PPP2R2C: variants seen among roughly 807,000 people sequenced by gnomAD.
The protein encoded by PPP2R2C is protein phosphatase 2 regulatory subunit Bgamma, also known as protein phosphatase 2, regulatory subunit B, gamma.
A neutral mutation model predicts 45.3 loss-of-function variants in PPP2R2C; 10 were observed. The ratio of observed to expected loss-of-function variants is 0.22; its 90% CI spans 0.14 to 0.37. PPP2R2C has a LOEUF of 0.37. Among genes scored for constraint, PPP2R2C ranks in the 10% least tolerant of loss-of-function variants. PPP2R2C has a pLI of 1.00. For synonymous variants in PPP2R2C, 257 were observed against 245.4 expected (o/e 1.05, Z -0.44); for missense variants, 308 against 619.7 (o/e 0.50, Z 5.34).
At chr4:6,349,304 C>A in intron 5 of PPP2R2C, 1 of 985,056 alleles carries the variant, frequency 1.0e-6, no homozygotes, top group Non-Finnish European at 1.2e-6. Context: ...AGCTCTGTCA[C>A]CTCCTGGCTG....
chr4:6,517,155 C>T (rs1723851417), intron 2 of PPP2R2C, among the ~76,000 whole-genome samples: 1 of 152,178 alleles, frequency 6.6e-6, no homozygotes, highest in Admixed American at 6.5e-5. Context: ...CACCAGATTG[C>T]TCGCCTGGCA....
At chr4:6,503,681 T>A (rs796510428) in intron 2 of PPP2R2C, among the ~76,000 whole-genome samples, 22 of 152,226 alleles carry the variant, frequency 1.4e-4, no homozygotes, top group African/African-American at 4.1e-4. Context: ...GCATAATGTT[T>A]ATGGCAACTT....
chr4:6,421,835 A>G (rs931425795), intron 1 of PPP2R2C, among the ~76,000 whole-genome samples: 1 of 152,208 alleles, frequency 6.6e-6, no homozygotes, highest in Non-Finnish European at 1.5e-5. Context: ...TAAGATGTAA[A>G]AAGGGCTTTG....
upstream of PPP2R2C, among the ~76,000 whole-genome samples, chr4:6,477,464 C>A (rs186592697): frequency 5.9e-5 from 9 of 152,174 alleles, no homozygotes; most frequent in African/African-American, 1.9e-4. Flanking sequence ...CGGTGCCTCA[C>A]GCCTGTAATC....
chr4:6,378,309 A>T lies in PPP2R2C; in HGVS notation c.334+98T>A. 1 of 1,577,214 alleles carries T rather than the reference A, an allele frequency of 6.3e-7. No homozygotes were observed. The highest frequency in any genetic ancestry group is 1.2e-5 in the South Asian group (1 of 86,368). On this transcript the variant is annotated intron_variant, in intron 3 of 8. Coordinates refer to ENST00000382599, the MANE Select transcript of PPP2R2C (RefSeq NM_020416.4). This position sits in a 1 kb window ranked among gnomAD's most constrained non-coding sequence, Gnocchi z 5.2. ...ATTATTTTCTAGGCGTTCTGAAGAC[A>T]TAGAAAAATGCTCACAATATAAGTG...
At chr4:6,340,000 A>C (rs535640692) in intron 6 of PPP2R2C, among the ~76,000 whole-genome samples, 24 of 152,128 alleles carry the variant, frequency 1.6e-4, no homozygotes, top group Admixed American at 1.5e-3. Flanking sequence ...CTGTTTGGGG[A>C]GGGGCCTCCT....
chr4:6,425,197 GT>G (rs1719215963), intron 1 of PPP2R2C, among the ~76,000 whole-genome samples: 1 of 152,110 alleles, frequency 6.6e-6, no homozygotes, highest in Admixed American at 6.5e-5. Flanking sequence ...ACAGCTCCCT[GT>G]CCCCCCACCC....
At chr4:6,388,236 C>T (rs921051700) in intron 1 of PPP2R2C, among the ~76,000 whole-genome samples, 1 of 152,190 alleles carries the variant, frequency 6.6e-6, no homozygotes, top group African/African-American at 2.4e-5. Context: ...CTCAGCCAGC[C>T]CCCTGGTGCT....
chr4:6,484,916 T>TC (rs1314278550), intron 2 of PPP2R2C, among the ~76,000 whole-genome samples: 3 of 151,886 alleles, frequency 2.0e-5, no homozygotes, highest in Admixed American at 2.0e-4. Context: ...CATCTTTTTT[T>TC]CTCTTTCTTG....
chr4:6,431,596 T>A (rs1200362730), intron 1 of PPP2R2C, among the ~76,000 whole-genome samples: 1 of 152,202 alleles, frequency 6.6e-6, no homozygotes, highest in Non-Finnish European at 1.5e-5. Flanking sequence ...GAGCCCCCCC[T>A]TCCCTGGCTC....
At position 6,394,961 on chromosome 4, in the gene PPP2R2C, T is replaced by C. The variant is rs1313974483; in HGVS notation, c.71-13867A>G. On this transcript the variant is annotated intron_variant, in intron 1 of 8. Transcript: ENST00000382599. The stretch of plus-strand genomic sequence containing the variant: ...GGCCATAATTCCCTGAGCTGGGTGC[T>C]GGGGTCACAGTTGGCAGAGCCAGCA... Among the ~76,000 whole-genome samples the C allele has an allele frequency of 4.6e-5, 7 of 152,152 alleles. No individual in the cohort carries two copies. In the East Asian group the frequency reaches 1.4e-3, roughly 29 times the overall value.
At chr4:6,394,704 A>G (rs1716899392) in intron 1 of PPP2R2C, among the ~76,000 whole-genome samples, 1 of 152,210 alleles carries the variant, frequency 6.6e-6, no homozygotes, top group South Asian at 2.1e-4. Context: ...GCCGGGCCAG[A>G]TGGCCTGGCT....
chr4:6,415,800 A>G (rs1181385106), intron 1 of PPP2R2C, among the ~76,000 whole-genome samples: 1 of 152,192 alleles, frequency 6.6e-6, no homozygotes, highest in Non-Finnish European at 1.5e-5. Context: ...CAGACCTCCA[A>G]GTAGTCCTCC....
In PPP2R2C at chr4:6,419,383, G is replaced by A. The variant is rs182282452; in HGVS notation, c.71-38289C>T. On this transcript the variant is annotated intron_variant, in intron 1 of 8. Coordinates refer to ENST00000382599, the MANE Select transcript of PPP2R2C (RefSeq NM_020416.4). ...AGTGGTTGCAGTGAGCTGAGATGGT[G>A]CCACTGCCACTGCACTCCTAGGCGA... Among the ~76,000 whole-genome samples, 487 of 152,116 alleles carry A rather than the reference G, an allele frequency of 3.2e-3. 4 individuals carry two copies. The highest frequency in any genetic ancestry group is 0.023 in the East Asian group (117 of 5,168).
chr4:6,327,404 G>A (rs1213627639), intron 8 of PPP2R2C, among the ~76,000 whole-genome samples: 2 of 152,202 alleles, frequency 1.3e-5, no homozygotes, highest in Non-Finnish European at 2.9e-5. Context: ...GCCTGGGGAT[G>A]CTTGGCGGCT....
At chr4:6,550,088 C>T (rs1390200401) in intron 1 of PPP2R2C, among the ~76,000 whole-genome samples, 1 of 152,162 alleles carries the variant, frequency 6.6e-6, no homozygotes, top group Non-Finnish European at 1.5e-5. Context: ...ATGGCTCATC[C>T]CACGGGCCTG....
intron 2 of PPP2R2C, among the ~76,000 whole-genome samples, chr4:6,521,132 G>A (rs1444349525): frequency 3.9e-5 from 6 of 152,202 alleles, no homozygotes; most frequent in Admixed American, 1.3e-4. Flanking sequence ...TGGCCACAGC[G>A]TCTGTCTGAC....
chr4:6,559,898 C>G (rs576302408), intron 1 of PPP2R2C, among the ~76,000 whole-genome samples: 1 of 152,366 alleles, frequency 6.6e-6, no homozygotes, highest in East Asian at 1.9e-4. Flanking sequence ...GCAGCCCCAA[C>G]GGACTAAGAC....
Position 6,324,205 on chromosome 4 carries a change from G to T in PPP2R2C, c.1053-612C>A, listed in dbSNP as rs1731758280. On this transcript the variant is annotated intron_variant, in intron 8 of 8. Coordinates refer to ENST00000382599, the MANE Select transcript of PPP2R2C (RefSeq NM_020416.4). This position sits in a 1 kb window ranked among gnomAD's most constrained non-coding sequence, Gnocchi z 4.1. ...CCAGCACTTTGGGAAGCCAAGGCGG[G>T]CAGATCACCTGAGGTTAGGAGTTTG... is the stretch of plus-strand genomic sequence containing the variant. 6.6e-6 allele frequency among the ~76,000 whole-genome samples: 1 copy of T among 152,134 alleles called. No homozygotes were observed. The highest frequency in any genetic ancestry group is 2.4e-5 in the African/African-American group (1 of 41,414).
Sources: allele counts gnomAD v4.1 joint callset (sites outside exome capture counted in the v4.1 genomes callset), GRCh38; gene constraint gnomAD v4.1.1; non-coding constraint Gnocchi (gnomAD v3.1); transcripts MANE v1.5; gene names NCBI Gene and HGNC (gene_info 2026-07-23, HGNC 2026-07-21).